ARID4B: variants seen among roughly 807,000 people sequenced by gnomAD.
The protein encoded by ARID4B is AT-rich interactive domain-containing protein 4B.
ARID4B carries 26 observed loss-of-function variants against 147.5 expected under a neutral mutation model. The observed-to-expected ratio is 0.18, with a 90% CI of 0.13 to 0.24. The LOEUF (loss-of-function observed/expected upper bound fraction) is 0.24, where lower values mean the gene tolerates loss of function less well. Among genes scored for constraint, ARID4B ranks in the 10% least tolerant of loss-of-function variants. ARID4B has a pLI of 1.00. For synonymous variants in ARID4B, 512 were observed against 507.9 expected (o/e 1.01, Z -0.11); for missense variants, 1,179 against 1,511.5 (o/e 0.78, Z 3.65).
chr1:235,289,005 A>G (rs1355150837), intron 2 of ARID4B, among the ~76,000 whole-genome samples: 1 of 152,236 alleles, frequency 6.6e-6, no homozygotes, highest in Non-Finnish European at 1.5e-5. Context: ...AGATCCATTT[A>G]TTCAACAATA....
At chr1:235,252,969 T>C (rs755699366) in intron 5 of ARID4B, among the ~76,000 whole-genome samples, 160 bp from the exon 6 acceptor site, 5 of 152,232 alleles carry the variant, frequency 3.3e-5, no homozygotes, top group Non-Finnish European at 5.9e-5. Context: ...ACTTCAAATA[T>C]AGAGTTATTA....
At chr1:235,256,010 C>T (rs541133166) in intron 4 of ARID4B, among the ~76,000 whole-genome samples, 1 of 151,848 alleles carries the variant, frequency 6.6e-6, no homozygotes, top group Admixed American at 6.6e-5. Context: ...CCCGTCTCTA[C>T]CAAAAGTACA....
intron 17 of ARID4B, among the ~76,000 whole-genome samples, chr1:235,207,637 A>G (rs1372957188): frequency 6.6e-6 from 1 of 152,222 alleles, no homozygotes; most frequent in East Asian, 1.9e-4. Flanking sequence ...TTCCTTAATA[A>G]GGACCACTTC....
intron 2 of ARID4B, among the ~76,000 whole-genome samples, chr1:235,313,993 C>T (rs527514673): frequency 6.6e-6 from 1 of 152,304 alleles, no homozygotes; most frequent in South Asian, 2.1e-4. Context: ...TAAGAATCTG[C>T]ACATTCTTTC....
In ARID4B at chr1:235,215,573, GTGTGTGTA is replaced by G. The variant is rs1163204770; in HGVS notation, c.1584-1555_1584-1548del. ...TGTGTGTGTGTGTGTGTGTGTGTGT[GTGTGTGTA>G]TATATTTTTCCCCCCCTTGGAGACA... On this transcript the variant is annotated intron_variant, in intron 16 of 23. Transcript: ENST00000264183. Among the ~76,000 whole-genome samples, 125 of 146,014 alleles carry G rather than the reference GTGTGTGTA, an allele frequency of 8.6e-4. No individual in the cohort carries two copies. In the East Asian group the frequency reaches 9.5e-3, roughly 11 times the overall value.
At chr1:235,224,839 T>A in intron 11 of ARID4B, 64 bp from the exon 12 acceptor site, 1 of 1,123,272 alleles carries the variant, frequency 8.9e-7, no homozygotes, top group Admixed American at 2.1e-5. Context: ...ACAAGCAGAT[T>A]TCTTACCAAT....
chr1:235,201,376 G>A (rs969150000), intron 17 of ARID4B, among the ~76,000 whole-genome samples: 2 of 151,354 alleles, frequency 1.3e-5, no homozygotes, highest in African/African-American at 4.9e-5. Flanking sequence ...TGCTCAGACT[G>A]GAGTGCGGTA....
chr1:235,223,114 T>G, intron 13 of ARID4B, 52 bp downstream of exon 13: 32 of 1,244,034 alleles, frequency 2.6e-5, no homozygotes, highest in Non-Finnish European at 3.3e-5. Context: ...GGCAGATACC[T>G]GAGAAAACAT....
chr1:235,280,055 T>C (rs1331000843), intron 2 of ARID4B, among the ~76,000 whole-genome samples: 1 of 152,172 alleles, frequency 6.6e-6, no homozygotes, highest in Non-Finnish European at 1.5e-5. Context: ...CTGAGTCCTG[T>C]GAGCGCACCT....
intron 8 of ARID4B, among the ~76,000 whole-genome samples, chr1:235,239,374 C>A (rs1668836101): frequency 6.6e-6 from 1 of 152,130 alleles, no homozygotes; most frequent in Non-Finnish European, 1.5e-5. Flanking sequence ...GAAAAAAATG[C>A]ATTCTTATTG....
intron 2 of ARID4B, among the ~76,000 whole-genome samples, chr1:235,297,591 A>C (rs1257964158): frequency 6.6e-6 from 1 of 152,210 alleles, no homozygotes; most frequent in Non-Finnish European, 1.5e-5. Flanking sequence ...AGAACTTTAT[A>C]AAGGATAGAT....
intron 2 of ARID4B, among the ~76,000 whole-genome samples, chr1:235,290,885 G>A (rs946799496): frequency 1.3e-5 from 2 of 152,212 alleles, no homozygotes; most frequent in African/African-American, 4.8e-5. Flanking sequence ...CTCTTGAGAG[G>A]AGGTGTTCAA....
chr1:235,293,101 C>T (rs1021578513), intron 2 of ARID4B, among the ~76,000 whole-genome samples: 2 of 152,310 alleles, frequency 1.3e-5, no homozygotes, highest in African/African-American at 4.8e-5. Context: ...TCCCCTTGTG[C>T]CAAGCATTAT....
At chr1:235,239,603 C>T (rs1006544508) in intron 8 of ARID4B, among the ~76,000 whole-genome samples, 2 of 151,978 alleles carry the variant, frequency 1.3e-5, no homozygotes, top group African/African-American at 2.4e-5. Flanking sequence ...CTAGTGGTTA[C>T]GAAAAACAGA....
chr1:235,306,029 G>A (rs1673531625), intron 2 of ARID4B, among the ~76,000 whole-genome samples: 1 of 152,122 alleles, frequency 6.6e-6, no homozygotes, highest in Non-Finnish European at 1.5e-5. Context: ...ATAAGCAGTG[G>A]CAAAATTATC....
At chr1:235,318,360 G>A (rs868108391) in intron 2 of ARID4B, among the ~76,000 whole-genome samples, 20 of 151,900 alleles carry the variant, frequency 1.3e-4, no homozygotes, top group Middle Eastern at 6.8e-3. Flanking sequence ...ATTTAGTACA[G>A]ATGGGGTTTC....
At chr1:235,325,368 A>C (rs569101081) in intron 2 of ARID4B, among the ~76,000 whole-genome samples, 140 of 151,910 alleles carry the variant, frequency 9.2e-4, no homozygotes, top group African/African-American at 3.2e-3. Flanking sequence ...GACTACTTAA[A>C]AAAAAAAAGG....
At chr1:235,260,800 C>G (rs1037991114) in intron 2 of ARID4B, 48 bp from the exon 3 acceptor site, 7 of 1,327,366 alleles carry the variant, frequency 5.3e-6, no homozygotes, top group Non-Finnish European at 4.2e-6. Flanking sequence ...CTAATTCTTT[C>G]CCATAATCAG....
chr1:235,203,488 T>A (rs1322066373), intron 17 of ARID4B, among the ~76,000 whole-genome samples: 3 of 152,136 alleles, frequency 2.0e-5, no homozygotes, highest in Middle Eastern at 3.2e-3. Context: ...TAAAATCAAA[T>A]TAATATAAAC....
Sources: gnomAD v4.1 joint callset for allele counts (sites outside exome capture counted in the v4.1 genomes callset) on GRCh38, gnomAD v4.1.1 for gene constraint, MANE v1.5 for transcripts, NCBI Gene and HGNC (gene_info 2026-07-23, HGNC 2026-07-21) for gene names.